Variants in ZNF804A observed in about 807,000 individuals in gnomAD.
ZNF804A encodes the protein zinc finger protein 804A.
ZNF804A carries 2 observed loss-of-function variants against 16.5 expected under a neutral mutation model. The observed-to-expected ratio is 0.12, with a 90% CI of 0.05 to 0.38. ZNF804A has a LOEUF of 0.38. ZNF804A is among the 10% of genes least tolerant of loss of function. The pLI, the probability that ZNF804A is intolerant of heterozygous loss-of-function variation, is 0.99. For missense variants in ZNF804A, 1,473 were observed against 1,390.7 expected, an observed-to-expected ratio of 1.06 and a Z score of -0.94; for synonymous variants, 534 against 489.6, an observed-to-expected ratio of 1.09 and a Z score of -1.20.
At position 184,772,165 on chromosome 2, in the gene ZNF804A, G is replaced by GT. The variant is rs1409975099; in HGVS notation, c.112-94200dup. Among the ~76,000 whole-genome samples, 3 of 150,338 alleles carry GT rather than the reference G, an allele frequency of 2.0e-5. No individual in the cohort carries two copies. The East Asian group carries it at 5.9e-4, about 29-fold the overall frequency. On this transcript the variant is annotated intron_variant, in intron 1 of 3. Coordinates refer to ENST00000302277, the MANE Select transcript of ZNF804A (RefSeq NM_194250.2). ...TCCAAAACAGATAAGCAGATTTTCT[G>GT]TTTTGTTGATAATAGCTTTACTGAA...
intron 1 of ZNF804A, among the ~76,000 whole-genome samples, chr2:184,798,161 C>G (rs1005498038): frequency 1.3e-5 from 2 of 151,758 alleles, no homozygotes; most frequent in African/African-American, 4.8e-5. Flanking sequence ...TGTCTGACAG[C>G]TCTTAAGATT....
chr2:184,686,669 T>C (rs1692639720), intron 1 of ZNF804A, among the ~76,000 whole-genome samples: 1 of 152,212 alleles, frequency 6.6e-6, no homozygotes, highest in Admixed American at 6.5e-5. Flanking sequence ...CAACAGTATA[T>C]AAGTATTTCT....
At chr2:184,889,300 T>C (rs1684945488) in intron 2 of ZNF804A, among the ~76,000 whole-genome samples, 1 of 151,840 alleles carries the variant, frequency 6.6e-6, no homozygotes, top group African/African-American at 2.4e-5. Flanking sequence ...AGAAATTATG[T>C]TAATTTTTCT....
At chr2:184,697,360 G>A (rs1308396718) in intron 1 of ZNF804A, among the ~76,000 whole-genome samples, 1 of 152,026 alleles carries the variant, frequency 6.6e-6, no homozygotes, top group Non-Finnish European at 1.5e-5. Flanking sequence ...CTGGGTCATA[G>A]AATCTGTATG....
At chr2:184,693,933 T>A (rs1196384792) in intron 1 of ZNF804A, among the ~76,000 whole-genome samples, 2 of 147,698 alleles carry the variant, frequency 1.4e-5, no homozygotes, top group Non-Finnish European at 3.0e-5. Context: ...CTTAGTCTTT[T>A]TTTTTTTTTT....
At chr2:184,672,748 TTTTC>T (rs754889515) in intron 1 of ZNF804A, among the ~76,000 whole-genome samples, 6 of 123,486 alleles carry the variant, frequency 4.9e-5, no homozygotes, top group Non-Finnish European at 7.5e-5. Context: ...TTTTTTTTTC[TTTTC>T]TTTTTCTTTT....
intron 1 of ZNF804A, among the ~76,000 whole-genome samples, chr2:184,666,729 A>C (rs939417825): frequency 6.6e-6 from 1 of 152,056 alleles, no homozygotes; most frequent in Non-Finnish European, 1.5e-5. Flanking sequence ...AATTAACTTG[A>C]CATGTTAATA....
chr2:184,936,063 T>C lies in ZNF804A; in HGVS notation c.667T>C (p.Ser223Pro), dbSNP rs1311716793. The change falls in exon 4 of 4, where the codon TCC becomes CCC. Residue 223 changes from serine to proline, a missense_variant. Coordinates refer to ENST00000302277, the MANE Select transcript of ZNF804A (RefSeq NM_194250.2). ...GFSFAFPKKA[S>P]VKLESSAAAF... Reference sequence around the variant, plus strand: ...TTCTTTTGCATTTCCAAAGAAAGCGTCCGTGAAGCTAGAGTCCTCAGCTGC... The same window carrying C: ...TTCTTTTGCATTTCCAAAGAAAGCGCCCGTGAAGCTAGAGTCCTCAGCTGC... 1 of 1,613,994 alleles carries C rather than the reference T, an allele frequency of 6.2e-7. No individual in the cohort carries two copies. The highest frequency in any genetic ancestry group is 8.5e-7 in the Non-Finnish European group (1 of 1,179,950).
intron 1 of ZNF804A, among the ~76,000 whole-genome samples, chr2:184,794,883 T>C (rs1453329135): frequency 1.3e-5 from 2 of 151,568 alleles, no homozygotes; most frequent in African/African-American, 2.4e-5. Context: ...ATCCTAAATA[T>C]ATATGCACCT....
chr2:184,666,110 T>C (rs1692250280), intron 1 of ZNF804A, among the ~76,000 whole-genome samples: 1 of 152,210 alleles, frequency 6.6e-6, no homozygotes, highest in South Asian at 2.1e-4. Context: ...CCACAGTTAC[T>C]TTCCAAAGGA....
At chr2:184,902,813 C>T (rs1558997744) in intron 2 of ZNF804A, among the ~76,000 whole-genome samples, 2 of 152,190 alleles carry the variant, frequency 1.3e-5, no homozygotes, top group East Asian at 3.9e-4. Context: ...TTATGAGTTC[C>T]ATGAAATTCA....
At chr2:184,804,865 G>C (rs1424676089) in intron 1 of ZNF804A, among the ~76,000 whole-genome samples, 1 of 152,180 alleles carries the variant, frequency 6.6e-6, no homozygotes, top group Non-Finnish European at 1.5e-5. Flanking sequence ...ACTTCGCTAG[G>C]ATTAGCTATA....
At chr2:184,626,603 A>C (rs903048180) in intron 1 of ZNF804A, among the ~76,000 whole-genome samples, 1 of 152,152 alleles carries the variant, frequency 6.6e-6, no homozygotes, top group Non-Finnish European at 1.5e-5. Context: ...TATTCATGCT[A>C]TCCTCTTGGT....
chr2:184,861,989 A>T (rs1306395706), intron 1 of ZNF804A, among the ~76,000 whole-genome samples: 1 of 152,208 alleles, frequency 6.6e-6, no homozygotes, highest in African/African-American at 2.4e-5. Flanking sequence ...GTGCTGAGTT[A>T]GAATGACCTG....
At chr2:184,842,849 G>A (rs544887027) in intron 1 of ZNF804A, among the ~76,000 whole-genome samples, 18 of 152,026 alleles carry the variant, frequency 1.2e-4, no homozygotes, top group Admixed American at 6.6e-4. Flanking sequence ...CAGGATCATC[G>A]ACAAACTGTA....
At chr2:184,897,545 G>A (rs1332459604) in intron 2 of ZNF804A, among the ~76,000 whole-genome samples, 3 of 151,488 alleles carry the variant, frequency 2.0e-5, no homozygotes, top group Non-Finnish European at 2.9e-5. Context: ...AATAAGTAAA[G>A]TATTATGATC....
At chr2:184,718,422 G>T (rs1053679057) in intron 1 of ZNF804A, among the ~76,000 whole-genome samples, 12 of 151,978 alleles carry the variant, frequency 7.9e-5, no homozygotes, top group Non-Finnish European at 1.3e-4. Context: ...GTCCCCCAAA[G>T]ATTTAACTCA....
intron 1 of ZNF804A, among the ~76,000 whole-genome samples, chr2:184,693,974 G>A (rs1254118888): frequency 6.9e-6 from 1 of 145,170 alleles, no homozygotes; most frequent in African/African-American, 2.6e-5. Context: ...CTGCCACCCA[G>A]GCTGGAGTGC....
chr2:184,819,119 C>T (rs570876082), intron 1 of ZNF804A, among the ~76,000 whole-genome samples: 1 of 152,092 alleles, frequency 6.6e-6, no homozygotes, highest in East Asian at 1.9e-4. Flanking sequence ...ACACATTCTT[C>T]TCATTGCCAC....
Sources: allele counts gnomAD v4.1 joint callset (sites outside exome capture counted in the v4.1 genomes callset), GRCh38; gene constraint gnomAD v4.1.1; transcripts MANE v1.5; gene names NCBI Gene and HGNC (gene_info 2026-07-23, HGNC 2026-07-21).